The following CHERP variants were observed in gnomAD, a reference collection of about 807,000 sequenced individuals.
CHERP encodes ERPROT 213-21.
CHERP carries 8 observed loss-of-function variants against 113.8 expected under a neutral mutation model. The observed-to-expected ratio is 0.07, with a 90% confidence interval of 0.04 to 0.13. The LOEUF is 0.13. CHERP is among the 10% of genes least tolerant of loss of function. The pLI, the probability that CHERP is intolerant of heterozygous loss-of-function variation, is 1.00. For synonymous variants in CHERP, 559 were observed against 524.5 expected (o/e 1.07, Z -0.90); for missense variants, 884 against 1,298.2 (o/e 0.68, Z 4.90).
chr19:16,535,688 G>A lies in CHERP; in HGVS notation c.200-52C>T. The A allele has an allele frequency of 7.0e-7, 1 of 1,438,554 alleles. No homozygotes were observed. The highest frequency in any genetic ancestry group is 1.4e-5 in the South Asian group (1 of 69,924). The allele number at this position is 1,438,554 out of a possible 1,614,324, so 89.1% of individuals were successfully genotyped here. A position where few individuals can be genotyped will look rare whatever the true frequency, so the allele number is the denominator to read the frequency against. On this transcript the variant is annotated intron_variant, in intron 2 of 16. Transcript: ENST00000546361. This position sits in a 1 kb window ranked among gnomAD's most constrained non-coding sequence, Gnocchi z 4.3. Reference sequence around the variant, plus strand: ...CATGAGAATGCAGATGGGGGTCTAGGTGTCCCCTTGGCCACCTCTCAGCCA... The same window carrying A: ...CATGAGAATGCAGATGGGGGTCTAGATGTCCCCTTGGCCACCTCTCAGCCA...
At position 16,519,833 on chromosome 19, in the gene CHERP, G is replaced by A. The variant is rs566904113; in HGVS notation, c.2463-118C>T. 1.3e-5 allele frequency: 12 copies of A among 919,220 alleles called. No individual in the cohort carries two copies. Among genetic ancestry groups the A allele is most frequent in the African/African-American group, 9.7e-5 (6 of 61,710 alleles). The allele number at this position is 919,220 out of a possible 1,614,324, so 56.9% of individuals were successfully genotyped here. ...ATGCTCACTGTCACCAGGTGACACCGTATGCAGATTTTGCGTCTCTACCCG... is the reference window on the plus strand; with the variant it reads ...ATGCTCACTGTCACCAGGTGACACCATATGCAGATTTTGCGTCTCTACCCG... On this transcript the variant is annotated intron_variant, in intron 15 of 16. Transcript: ENST00000546361. The surrounding 1 kb of genome is among the most constrained non-coding windows in gnomAD (Gnocchi z 6.0).
chr19:16,530,513 C>A lies in CHERP; in HGVS notation c.876+72G>T. 1 of 1,435,506 alleles carries A rather than the reference C, an allele frequency of 7.0e-7. No individual in the cohort carries two copies. The highest frequency in any genetic ancestry group is 9.8e-7 in the Non-Finnish European group (1 of 1,020,694). 88.9% of individuals were successfully genotyped at this position (1,435,506 alleles called of 1,614,324 possible). A position where few individuals can be genotyped will look rare whatever the true frequency, so the allele number is the denominator to read the frequency against. On this transcript the variant is annotated intron_variant, in intron 7 of 16. Transcript: ENST00000546361. The surrounding 1 kb of genome is among the most constrained non-coding windows in gnomAD (Gnocchi z 4.1). Reference sequence around the variant, plus strand: ...GCTGCTGGGGTGGCAGCTGCTGTCCCCACACTCCCAAACCCTCCTGGGGAA... The same window carrying A: ...GCTGCTGGGGTGGCAGCTGCTGTCCACACACTCCCAAACCCTCCTGGGGAA...
At chr19:16,541,808 CG>C in intron 2 of CHERP, 61 bp downstream of exon 2, 1 of 1,536,296 alleles carries the variant, frequency 6.5e-7, no homozygotes, top group Admixed American at 1.9e-5. Context: ...TGGCAGAGCC[CG>C]GACTGGAATC....
At position 16,532,538 on chromosome 19, in the gene CHERP, A is replaced by C. The variant is rs879687799; in HGVS notation, c.674+60T>G. On this transcript the variant is annotated intron_variant, in intron 5 of 16. Transcript: ENST00000546361. The surrounding 1 kb of genome is among the most constrained non-coding windows in gnomAD (Gnocchi z 4.4). ...TACCGACCGGAGCAAGCGGCCACCC[A>C]GGAGGGTTGAGGAGGAGCGCGAGGA... 1.3e-6 allele frequency: 2 copies of C among 1,501,264 alleles called. No individual in the cohort carries two copies. Among genetic ancestry groups the C allele is most frequent in the African/African-American group, 2.7e-5 (2 of 72,820 alleles). 93.0% of individuals were successfully genotyped at this position (1,501,264 alleles called of 1,614,324 possible).
At chr19:16,541,664 A>G (rs2085780715) in intron 2 of CHERP, 1 of 519,352 alleles carries the variant, frequency 1.9e-6, no homozygotes, top group Middle Eastern at 5.1e-4. Context: ...GGGAGGATCG[A>G]AAACCTCGTT....
At chr19:16,528,303 G>T in intron 8 of CHERP, 48 bp from the exon 9 acceptor site, 1 of 1,508,012 alleles carries the variant, frequency 6.6e-7, no homozygotes, top group South Asian at 1.3e-5. Context: ...AGCAGGAGGC[G>T]CTGTCTCCTC....
rs2122279963 is a variant in CHERP, at chr19:16,535,045, C to T, written c.384+407G>A. ...GAGCTGAGATCACGCCTCTGCACTC[C>T]AGCCTGGGCGACAGAACAAGACTTA... On this transcript the variant is annotated intron_variant, in intron 3 of 16. Coordinates refer to ENST00000546361, the MANE Select transcript of CHERP (RefSeq NM_006387.6). This position sits in a 1 kb window ranked among gnomAD's most constrained non-coding sequence, Gnocchi z 4.3. 6.6e-6 allele frequency among the ~76,000 whole-genome samples: 1 copy of T among 152,100 alleles called. No homozygotes were observed. Among genetic ancestry groups the T allele is most frequent in the East Asian group, 1.9e-4 (1 of 5,168 alleles).
intron 3 of CHERP, among the ~76,000 whole-genome samples, chr19:16,534,292 C>T (rs751311985): frequency 4.6e-5 from 7 of 151,932 alleles, no homozygotes; most frequent in South Asian, 2.1e-4. Flanking sequence ...CCCTGTGATC[C>T]GCCTGCCTTG....
chr19:16,520,208 C>T lies in CHERP; in HGVS notation c.2403G>A (p.Arg801=). 6.2e-7 allele frequency: 1 copy of T among 1,613,388 alleles called. No individual in the cohort carries two copies. Among genetic ancestry groups the T allele is most frequent in the Non-Finnish European group, 8.5e-7 (1 of 1,180,030 alleles). ...TTCTTCCTGGGGAGTACGACTTGGA[C>T]CGGGACCGCGACTGGGACCGGGAGC... The part of the protein sequence containing the change: ...RSRSRSQSRS[R]SKSYSPGRRR... Residue 801 remains arginine, a synonymous_variant, in exon 15 of 17, where the codon CGG becomes CGA. Transcript: ENST00000546361. The surrounding 1 kb of genome is among the most constrained non-coding windows in gnomAD (Gnocchi z 4.0).
At position 16,519,069 on chromosome 19, in the gene CHERP, A is replaced by C; in HGVS notation, c.*90T>G. 2 of 1,173,876 alleles carry C rather than the reference A, an allele frequency of 1.7e-6. No homozygotes were observed. Among genetic ancestry groups the C allele is most frequent in the Non-Finnish European group, 2.4e-6 (2 of 821,420 alleles). 72.7% of individuals were successfully genotyped at this position (1,173,876 alleles called of 1,614,324 possible). ...ACAAGTGGAGACGGTGTAAGAACTG[A>C]GCTGTCACTGCAATCTTCCTCTGCC... is the stretch of plus-strand genomic sequence containing the variant. On this transcript the variant is annotated 3_prime_UTR_variant, in exon 17 of 17. Transcript: ENST00000546361. This position sits in a 1 kb window ranked among gnomAD's most constrained non-coding sequence, Gnocchi z 6.0.
chr19:16,525,760 G>C lies in CHERP; in HGVS notation c.1306-83C>G. 1 of 1,305,582 alleles carries C rather than the reference G, an allele frequency of 7.7e-7. No homozygotes were observed. The highest frequency in any genetic ancestry group is 1.0e-6 in the Non-Finnish European group (1 of 989,030). 80.9% of individuals were successfully genotyped at this position (1,305,582 alleles called of 1,614,324 possible). On this transcript the variant is annotated intron_variant, in intron 9 of 16. Transcript: ENST00000546361. The surrounding 1 kb of genome is among the most constrained non-coding windows in gnomAD (Gnocchi z 6.5). The stretch of plus-strand genomic sequence containing the variant: ...CATCACAGCGCTCGGCAGCATCACA[G>C]CGCTGGCTCAGACCATGGAGGCGCT...
chr19:16,524,082 T>A (rs982488889), intron 10 of CHERP, among the ~76,000 whole-genome samples: 1 of 151,154 alleles, frequency 6.6e-6, no homozygotes, highest in Non-Finnish European at 1.5e-5. Context: ...CGAAACCCCA[T>A]CTACTAAAAA....
chr19:16,528,360 T>C, intron 8 of CHERP, 105 bp from the exon 9 acceptor site: 1 of 1,141,160 alleles, frequency 8.8e-7, no homozygotes, highest in Non-Finnish European at 1.2e-6. Flanking sequence ...TAGTGCCCAG[T>C]GGATGATCGC....
chr19:16,531,164 C>A (rs2085700586), intron 5 of CHERP, among the ~76,000 whole-genome samples: 1 of 152,236 alleles, frequency 6.6e-6, no homozygotes, highest in South Asian at 2.1e-4. Flanking sequence ...AACCTTCCCT[C>A]CTTCCCTCTT....
chr19:16,532,503 C>T lies in CHERP; in HGVS notation c.674+95G>A. On this transcript the variant is annotated intron_variant, in intron 5 of 16. Coordinates refer to ENST00000546361, the MANE Select transcript of CHERP (RefSeq NM_006387.6). This position sits in a 1 kb window ranked among gnomAD's most constrained non-coding sequence, Gnocchi z 4.4. ...AGTGCCCCCTAGTCTCGGGACAGGC[C>T]AAGCCAAGCTACCGACCGGAGCAAG... 3 of 1,423,132 alleles carry T rather than the reference C, an allele frequency of 2.1e-6. No individual in the cohort carries two copies. The highest frequency in any genetic ancestry group is 1.4e-5 in the South Asian group (1 of 71,130). 88.2% of individuals were successfully genotyped at this position (1,423,132 alleles called of 1,614,324 possible). A position where few individuals can be genotyped will look rare whatever the true frequency, so the allele number is the denominator to read the frequency against.
rs1220260875 is a variant in CHERP, at chr19:16,532,684, G to A, written c.588C>T (p.His196=). 1.9e-6 allele frequency: 3 copies of A among 1,613,726 alleles called. No individual in the cohort carries two copies. Among genetic ancestry groups the A allele is most frequent in the Non-Finnish European group, 2.5e-6 (3 of 1,179,940 alleles). ...CATCAGCCGTGATGCGGTTCCGGAGGTGGCCGGCCATCAGCTCACAGTGCG... is the reference window on the plus strand; with the variant it reads ...CATCAGCCGTGATGCGGTTCCGGAGATGGCCGGCCATCAGCTCACAGTGCG... ...SPPHCELMAG[H]LRNRITADGA... is the part of the protein sequence containing the mutation. Residue 196 remains histidine, a synonymous_variant, in exon 5 of 17, where the codon CAC becomes CAT. Transcript: ENST00000546361. This position sits in a 1 kb window ranked among gnomAD's most constrained non-coding sequence, Gnocchi z 4.4.
Position 16,525,359 on chromosome 19 carries a change from G to A in CHERP, c.1624C>T (p.His542Tyr). Residue 542 changes from histidine (H) to tyrosine (Y), a missense_variant, in exon 10 of 17, where the codon CAC (histidine) becomes TAC (tyrosine). Coordinates refer to ENST00000546361, the MANE Select transcript of CHERP (RefSeq NM_006387.6). This position sits in a 1 kb window ranked among gnomAD's most constrained non-coding sequence, Gnocchi z 6.5. ...HPQFNQPPHP[H>Y]NFNRFPPRFM... ...CGGGGCGGGAAGCGGTTGAAGTTGT[G>A]GGGGTGCGGAGGCTGGTTGAACTGC... is the stretch of plus-strand genomic sequence containing the variant. 3 of 1,489,034 alleles carry A rather than the reference G, an allele frequency of 2.0e-6. No homozygotes were observed. The highest frequency in any genetic ancestry group is 2.7e-6 in the Non-Finnish European group (3 of 1,119,514). The allele number at this position is 1,489,034 out of a possible 1,614,324, so 92.2% of individuals were successfully genotyped here.
chr19:16,524,555 C>CA (rs112007487), intron 10 of CHERP, among the ~76,000 whole-genome samples: 35,967 of 133,378 alleles, frequency 0.27, 4,766 homozygotes, highest in African/African-American at 0.33. Context: ...GACTCTGTCT[C>CA]AAAAAAAAAA....
Position 16,541,832 on chromosome 19 carries a change from C to A in CHERP, c.199+38G>T, listed in dbSNP as rs117855162. Reference sequence around the variant, plus strand: ...CCGGACTGGAATCCGAGAAAGGAAGCGCTCGATGGGACGGCCTGAGTGCCG... The same window carrying A: ...CCGGACTGGAATCCGAGAAAGGAAGAGCTCGATGGGACGGCCTGAGTGCCG... On this transcript the variant is annotated intron_variant, in intron 2 of 16. Coordinates refer to ENST00000546361, the MANE Select transcript of CHERP (RefSeq NM_006387.6). 14,224 of 1,589,872 alleles carry A rather than the reference C, an allele frequency of 8.9e-3. 252 individuals carry two copies. Among genetic ancestry groups the A allele is most frequent in the South Asian group, 0.053 (4,699 of 88,422 alleles).
Sources: gnomAD v4.1 joint callset for allele counts (sites outside exome capture counted in the v4.1 genomes callset) on GRCh38, gnomAD v4.1.1 for gene constraint, Gnocchi (gnomAD v3.1) non-coding constraint, MANE v1.5 for transcripts, NCBI Gene and HGNC (gene_info 2026-07-23, HGNC 2026-07-21) for gene names.